Variants in SENP2 observed in about 807,000 individuals in gnomAD.
The protein encoded by SENP2 is SUMO specific peptidase 2.
Under a neutral mutation model 86.3 loss-of-function variants are expected in SENP2, and 16 were observed. The ratio of observed to expected loss-of-function variants is 0.19; its 90% CI spans 0.13 to 0.28. SENP2 has a LOEUF of 0.28. SENP2 is among the 10% of genes least tolerant of loss of function. The probability of loss-of-function intolerance (pLI) is 1.00; values close to 1 mark genes in which losing one functional copy is unlikely to be tolerated. For synonymous variants in SENP2, 222 were observed against 238.7 expected (o/e 0.93, Z 0.64); for missense variants, 552 against 703.0 (o/e 0.79, Z 2.43).
Position 185,586,629 on chromosome 3 carries a change from C to T in SENP2, c.101+115C>T, listed in dbSNP as rs1283575449. 8 of 959,546 alleles carry T rather than the reference C, an allele frequency of 8.3e-6. No individual in the cohort carries two copies. The Admixed American group carries it at 1.3e-4, about 16-fold the overall frequency. The allele number at this position is 959,546 out of a possible 1,614,324, so 59.4% of individuals were successfully genotyped here. On this transcript the variant is annotated intron_variant, in intron 1 of 16. Coordinates refer to ENST00000296257, the MANE Select transcript of SENP2 (RefSeq NM_021627.3). The surrounding 1 kb of genome is among the most constrained non-coding windows in gnomAD (Gnocchi z 4.3). ...CTCACCCGAAACAGGTCGCCGGGAT[C>T]CTAGTGACGTAGTCGCTCCCGCCAG...
At chr3:185,627,009 G>T (rs988143571) in intron 16 of SENP2, among the ~76,000 whole-genome samples, 7 of 151,530 alleles carry the variant, frequency 4.6e-5, no homozygotes, top group African/African-American at 1.5e-4. Context: ...AACCCGGGAG[G>T]TGGAGGTTGT....
intron 12 of SENP2, 140 bp downstream of exon 12, chr3:185,617,751 T>C: frequency 1.4e-6 from 1 of 691,814 alleles, no homozygotes; most frequent in South Asian, 2.5e-5. Context: ...TTTTAAATCT[T>C]AAAAAGATGG....
intron 6 of SENP2, 100 bp downstream of exon 6, chr3:185,606,598 T>C: frequency 9.5e-7 from 1 of 1,055,990 alleles, no homozygotes; most frequent in Non-Finnish European, 1.3e-6. Flanking sequence ...TGACATACCA[T>C]TGTAGGTTTT....
At chr3:185,587,729 G>C (rs1193585723) in intron 1 of SENP2, among the ~76,000 whole-genome samples, 2 of 83,568 alleles carry the variant, frequency 2.4e-5, no homozygotes, top group Non-Finnish European at 4.8e-5. Context: ...ACCATGCCCG[G>C]CTATTTTTTT....
At chr3:185,598,835 C>A in intron 3 of SENP2, 123 bp from the exon 4 acceptor site, 1 of 738,254 alleles carries the variant, frequency 1.4e-6, no homozygotes, top group Non-Finnish European at 2.3e-6. Context: ...CAAGTTAAAC[C>A]TTAGGTCTTA....
rs774254416 is a variant in SENP2 at position 185,586,487 on chromosome 3, C to T, written c.74C>T (p.Ala25Val). The T allele has an allele frequency of 6.2e-6, 10 of 1,613,710 alleles. No individual in the cohort carries two copies. In the South Asian group the frequency reaches 9.9e-5, roughly 16 times the overall value. ...GACCGGTCGGTGCCCCCTGCCCGGG[C>T]CCTCCTGAAGAGGCGGCGCTCAGAC... ...FCDRSVPPAR[A>V]LLKRRRSDST... The change falls in exon 1 of 17, where the codon GCC (alanine) becomes GTC (valine). Residue 25 changes from alanine (A) to valine (V), a missense_variant. Ala to Val is a moderately conservative substitution (Grantham distance 64, BLOSUM62 0). Coordinates refer to ENST00000296257, the MANE Select transcript of SENP2 (RefSeq NM_021627.3). The surrounding 1 kb of genome is among the most constrained non-coding windows in gnomAD (Gnocchi z 4.3).
At position 185,589,709 on chromosome 3, in the gene SENP2, G is replaced by T. The variant is rs150784372; in HGVS notation, c.102-405G>T. Among the ~76,000 whole-genome samples the T allele has an allele frequency of 2.8e-3, 419 of 152,182 alleles. 1 individual carries two copies. The highest frequency in any genetic ancestry group is 9.5e-3 in the African/African-American group (393 of 41,512). On this transcript the variant is annotated intron_variant, in intron 1 of 16. Transcript: ENST00000296257. The stretch of plus-strand genomic sequence containing the variant: ...TTTTAAAACAAGGTCTCACTCTTTT[G>T]ATTAGGCTGGAGTGCAGTGGCATGA...
At chr3:185,607,273 A>T (rs1722545868) in intron 6 of SENP2, among the ~76,000 whole-genome samples, 1 of 149,152 alleles carries the variant, frequency 6.7e-6, no homozygotes, top group African/African-American at 2.5e-5. Context: ...TATTTTTATT[A>T]TAAGGAAGAA....
chr3:185,625,632 T>C (rs1272858166), intron 15 of SENP2, among the ~76,000 whole-genome samples: 2 of 152,280 alleles, frequency 1.3e-5, no homozygotes, highest in East Asian at 3.9e-4. Flanking sequence ...TAGTGCTGCT[T>C]GTACCAAGTG....
Position 185,632,146 on chromosome 3 carries a change from T to C in SENP2, c.*2302T>C, listed in dbSNP as rs1441941636. 1 of 151,952 alleles carries C rather than the reference T, an allele frequency of 6.6e-6. No individual in the cohort carries two copies. Among genetic ancestry groups the C allele is most frequent in the African/African-American group, 2.4e-5 (1 of 41,354 alleles). The allele number at this position is 151,952 out of a possible 1,614,324, so 9.4% of individuals were successfully genotyped here. A position where few individuals can be genotyped will look rare whatever the true frequency, so the allele number is the denominator to read the frequency against. ...AAACAGTTTATTTGGATCTAAAAGT[T>C]TAAGTGTTCAGTTGAAAAACAGCTA... On this transcript the variant is annotated 3_prime_UTR_variant, in exon 17 of 17. Transcript: ENST00000296257.
At position 185,586,828 on chromosome 3, in the gene SENP2, TCACTGTTTACAAAG is replaced by T. The variant is rs1380745591; in HGVS notation, c.101+318_101+331del. Among the ~76,000 whole-genome samples the T allele has an allele frequency of 2.7e-5, 4 of 147,690 alleles. No individual in the cohort carries two copies. Among genetic ancestry groups the T allele is most frequent in the Non-Finnish European group, 5.9e-5 (4 of 67,988 alleles). ...GAAGGAATACTGTCTTTGTTGTGGC[TCACTGTTTACAAAG>T]CACCCTCGCAAGTGTCATCTGCAGA... On this transcript the variant is annotated intron_variant, in intron 1 of 16. Transcript: ENST00000296257. The surrounding 1 kb of genome is among the most constrained non-coding windows in gnomAD (Gnocchi z 4.3).
Position 185,609,702 on chromosome 3 carries a change from C to G in SENP2, c.722+352C>G, listed in dbSNP as rs181051856. ...CTCTCTCTACCTCCCTTCCCCACCC[C>G]ACTCCTGCCCCTCTCTCCATTTCTC... On this transcript the variant is annotated intron_variant, in intron 7 of 16. Coordinates refer to ENST00000296257, the MANE Select transcript of SENP2 (RefSeq NM_021627.3). Among the ~76,000 whole-genome samples the G allele has an allele frequency of 5.3e-5, 8 of 152,066 alleles. No homozygotes were observed. The South Asian group carries it at 6.2e-4, about 12-fold the overall frequency.
intron 5 of SENP2, among the ~76,000 whole-genome samples, chr3:185,605,616 T>C (rs759123491): frequency 1.4e-4 from 22 of 152,174 alleles, no homozygotes; most frequent in Non-Finnish European, 2.8e-4. Flanking sequence ...GGCATTAATA[T>C]TGTAATTTTG....
Position 185,631,413 on chromosome 3 carries a change from GTACCACACCTCTCCCCCCCCCC to G in SENP2, c.*1571_*1592del. The G allele has an allele frequency of 1.8e-5, 2 of 113,840 alleles. No individual in the cohort carries two copies. The highest frequency in any genetic ancestry group is 3.6e-5 in the Non-Finnish European group (2 of 56,040). 7.1% of individuals were successfully genotyped at this position (113,840 alleles called of 1,614,324 possible). The stretch of plus-strand genomic sequence containing the variant: ...GTGATGACTGAAGCGGGAGCAGGTT[GTACCACACCTCTCCCCCCCCCC>G]TCCCACTCCCCCTCCCTCCCTCTCC... On this transcript the variant is annotated 3_prime_UTR_variant, in exon 17 of 17. Coordinates refer to ENST00000296257, the MANE Select transcript of SENP2 (RefSeq NM_021627.3).
At chr3:185,600,025 G>A (rs1000878546) in intron 4 of SENP2, among the ~76,000 whole-genome samples, 2 of 152,106 alleles carry the variant, frequency 1.3e-5, no homozygotes, top group Admixed American at 6.6e-5. Flanking sequence ...TTGAACTCCC[G>A]ACCTCAGGTG....
In SENP2 at chr3:185,633,342, CTG is replaced by C. The variant is rs947950606; in HGVS notation, c.*3500_*3501del. 1.3e-5 allele frequency: 2 copies of C among 152,158 alleles called. No homozygotes were observed. The highest frequency in any genetic ancestry group is 4.8e-5 in the African/African-American group (2 of 41,442). The allele number at this position is 152,158 out of a possible 1,614,324, so 9.4% of individuals were successfully genotyped here. The stretch of plus-strand genomic sequence containing the variant: ...ATTGGGAACCTAATCTCTTTTGTAA[CTG>C]TTTGAGAAAAACTCTGAAGCACCTG... On this transcript the variant is annotated 3_prime_UTR_variant, in exon 17 of 17. Coordinates refer to ENST00000296257, the MANE Select transcript of SENP2 (RefSeq NM_021627.3).
At chr3:185,629,685 C>T (rs2148997789) in intron 16 of SENP2, 97 bp from the exon 17 acceptor site, 1 of 1,175,740 alleles carries the variant, frequency 8.5e-7, no homozygotes, top group East Asian at 2.4e-5. Flanking sequence ...AGAAAAAGCA[C>T]ATGGACATCC....
rs941821370 is a variant in SENP2 at position 185,600,753 on chromosome 3, T to C, written c.359-12T>C. 1 of 1,541,348 alleles carries C rather than the reference T, an allele frequency of 6.5e-7. No homozygotes were observed. Among genetic ancestry groups the C allele is most frequent in the African/African-American group, 1.4e-5 (1 of 73,114 alleles). ...TTTTCATTTTACAATTACAAATGCATTTTTTAAATAGGTAATAAATCTCCT... is the reference window on the plus strand; with the variant it reads ...TTTTCATTTTACAATTACAAATGCACTTTTTAAATAGGTAATAAATCTCCT... On this transcript the variant is annotated splice_polypyrimidine_tract_variant and intron_variant, in intron 4 of 16. Coordinates refer to ENST00000296257, the MANE Select transcript of SENP2 (RefSeq NM_021627.3).
chr3:185,586,447 A>G lies in SENP2; in HGVS notation c.34A>G (p.Ile12Val), dbSNP rs1421192971. Residue 12 changes from isoleucine to valine, a missense_variant, in exon 1 of 17, where the codon ATT becomes GTT. By Grantham distance (29) the Ile-to-Val change is conservative. This residue lies in a region of SENP2 where 383 missense variants were observed against 427.3 expected (regional missense o/e 0.90). Coordinates refer to ENST00000296257, the MANE Select transcript of SENP2 (RefSeq NM_021627.3). The surrounding 1 kb of genome is among the most constrained non-coding windows in gnomAD (Gnocchi z 4.3). ...ATGGCTGGTTAGGATTCTCGGCACCATTTTCCGTTTCTGCGACCGGTCGGT... is the reference window on the plus strand; with the variant it reads ...ATGGCTGGTTAGGATTCTCGGCACCGTTTTCCGTTTCTGCGACCGGTCGGT... ...YRWLVRILGT[I>V]FRFCDRSVPP... The G allele has an allele frequency of 2.5e-6, 4 of 1,613,822 alleles. No homozygotes were observed. Among genetic ancestry groups the G allele is most frequent in the Admixed American group, 1.7e-5 (1 of 60,012 alleles).
Sources: allele counts gnomAD v4.1 joint callset (sites outside exome capture counted in the v4.1 genomes callset), GRCh38; gene constraint gnomAD v4.1.1; regional missense constraint gnomAD v4.1.1; non-coding constraint Gnocchi (gnomAD v3.1); transcripts MANE v1.5; gene names NCBI Gene and HGNC (gene_info 2026-07-23, HGNC 2026-07-21).